The following DLG2 variants were observed in gnomAD, a reference collection of about 807,000 sequenced individuals.
DLG2 encodes the protein disks large homolog 2.
A neutral mutation model predicts 132.5 loss-of-function variants in DLG2; 45 were observed. The ratio of observed to expected loss-of-function variants is 0.34; its 90% CI spans 0.27 to 0.44. The LOEUF is 0.44. DLG2 is among the 20% of genes least tolerant of loss of function. The probability of loss-of-function intolerance (pLI) is 1.00; values close to 1 mark genes in which losing one functional copy is unlikely to be tolerated. For synonymous variants in DLG2, 424 were observed against 419.6 expected, an observed-to-expected ratio of 1.01 and a Z score of -0.13; for missense variants, 1,045 against 1,196.9, an observed-to-expected ratio of 0.87 and a Z score of 1.87.
intron 24 of DLG2, among the ~76,000 whole-genome samples, chr11:83,469,786 C>A (rs2091771571): frequency 6.6e-6 from 1 of 152,174 alleles, no homozygotes; most frequent in South Asian, 2.1e-4. Flanking sequence ...TTACTCTACA[C>A]CCATCTTCAC....
At chr11:85,390,901 CA>C (rs1305818025) in intron 3 of DLG2, among the ~76,000 whole-genome samples, 1 of 151,912 alleles carries the variant, frequency 6.6e-6, no homozygotes, top group Non-Finnish European at 1.5e-5. Context: ...AAGAACAAAT[CA>C]AACCCACACA....
chr11:84,706,970 C>T (rs755690744), intron 6 of DLG2, among the ~76,000 whole-genome samples: 2 of 151,776 alleles, frequency 1.3e-5, no homozygotes, highest in African/African-American at 2.4e-5. Context: ...GAGACTTGTA[C>T]ACCAATGCCA....
intron 3 of DLG2, among the ~76,000 whole-genome samples, chr11:85,459,834 T>A (rs2092547165): frequency 6.6e-6 from 1 of 152,188 alleles, no homozygotes; most frequent in Non-Finnish European, 1.5e-5. Context: ...AAGTTAGCTG[T>A]GCTGGAATTC....
chr11:85,399,781 C>G (rs999363837), intron 3 of DLG2, among the ~76,000 whole-genome samples: 1 of 152,208 alleles, frequency 6.6e-6, no homozygotes, highest in East Asian at 1.9e-4. Flanking sequence ...AAAATTAATT[C>G]AAGATGGATT....
intron 6 of DLG2, among the ~76,000 whole-genome samples, chr11:84,745,221 T>G (rs1018850155): frequency 1.3e-5 from 2 of 152,194 alleles, no homozygotes; most frequent in African/African-American, 4.8e-5. Flanking sequence ...TAATGTCAAA[T>G]TGTAATCCCA....
chr11:83,850,246 C>T (rs71465562), intron 16 of DLG2, among the ~76,000 whole-genome samples: 4,290 of 151,770 alleles, frequency 0.028, 65 homozygotes, highest in Non-Finnish European at 0.037. Context: ...CTCCGCTTCC[C>T]GGGTTCAAGA....
At chr11:85,095,590 G>A (rs1212459262) in intron 6 of DLG2, among the ~76,000 whole-genome samples, 5 of 151,900 alleles carry the variant, frequency 3.3e-5, no homozygotes, top group African/African-American at 4.8e-5. Flanking sequence ...TTATTAGCTG[G>A]TACCAGCTCC....
chr11:84,815,372 C>G (rs1015485529), intron 6 of DLG2, among the ~76,000 whole-genome samples: 2 of 152,012 alleles, frequency 1.3e-5, no homozygotes, highest in Non-Finnish European at 2.9e-5. Flanking sequence ...GATGACATCT[C>G]CAAGGGGCAG....
chr11:84,983,952 A>G (rs1020483165), intron 6 of DLG2, among the ~76,000 whole-genome samples: 3 of 152,168 alleles, frequency 2.0e-5, no homozygotes, highest in East Asian at 1.9e-4. Flanking sequence ...AAGACAAAGA[A>G]AAAAGAAAAT....
chr11:84,224,719 T>C (rs2096965147), intron 8 of DLG2, among the ~76,000 whole-genome samples: 1 of 152,182 alleles, frequency 6.6e-6, no homozygotes, highest in African/African-American at 2.4e-5. Flanking sequence ...TCAATGCTCT[T>C]AACTATTATA....
At chr11:85,137,296 TTG>T (rs1257335759) in intron 5 of DLG2, among the ~76,000 whole-genome samples, 1 of 152,146 alleles carries the variant, frequency 6.6e-6, no homozygotes, top group Non-Finnish European at 1.5e-5. Context: ...GGTAAATACT[TTG>T]TAACTATTAT....
chr11:84,166,516 A>AAAAAAG (rs1555391545), intron 8 of DLG2, among the ~76,000 whole-genome samples: 17 of 138,182 alleles, frequency 1.2e-4, no homozygotes, highest in African/African-American at 4.6e-4. Context: ...AAAAAAAAAA[A>AAAAAAG]AAAAGAAAAG....
rs772295340 is a variant in DLG2, at chr11:84,493,634, C to T, written c.519+40936G>A. Among the ~76,000 whole-genome samples, 136 of 152,112 alleles carry T rather than the reference C, an allele frequency of 8.9e-4. 1 individual carries two copies. The Middle Eastern group carries it at 0.01, about 11-fold the overall frequency. On this transcript the variant is annotated intron_variant, in intron 7 of 27. Coordinates refer to ENST00000376104, the MANE Select transcript of DLG2 (RefSeq NM_001142699.3). ...GAGTCACTCAAACTTGATTCAAATC[C>T]CAACTCCACCACTCACATAGCTCTG...
chr11:84,242,584 T>C (rs879909406), intron 8 of DLG2, among the ~76,000 whole-genome samples: 2 of 152,064 alleles, frequency 1.3e-5, no homozygotes, highest in African/African-American at 2.4e-5. Flanking sequence ...TTTTGTATTT[T>C]TATTAGAGAC....
At chr11:83,540,575 C>T (rs2096035568) in intron 20 of DLG2, among the ~76,000 whole-genome samples, 1 of 152,146 alleles carries the variant, frequency 6.6e-6, no homozygotes, top group Admixed American at 6.5e-5. Flanking sequence ...GGCTGTGCGA[C>T]CACAGGCAGA....
chr11:84,866,987 A>G (rs931088912), intron 6 of DLG2, among the ~76,000 whole-genome samples: 1 of 152,228 alleles, frequency 6.6e-6, no homozygotes, highest in African/African-American at 2.4e-5. Context: ...CACATTCATT[A>G]CATAGTAGGT....
At chr11:85,034,165 C>G (rs1380867720) in intron 6 of DLG2, among the ~76,000 whole-genome samples, 1 of 151,790 alleles carries the variant, frequency 6.6e-6, no homozygotes, top group Non-Finnish European at 1.5e-5. Flanking sequence ...GCAAGCTCCA[C>G]CTCCCAGGTT....
In DLG2 at chr11:83,639,970, T is replaced by C. The variant is rs112338648; in HGVS notation, c.1826-6645A>G. 6.8e-3 allele frequency among the ~76,000 whole-genome samples: 1,029 copies of C among 152,260 alleles called. 14 individuals are homozygous for C. Among genetic ancestry groups the C allele is most frequent in the African/African-American group, 0.023 (958 of 41,548 alleles). On this transcript the variant is annotated intron_variant, in intron 18 of 27. Coordinates refer to ENST00000376104, the MANE Select transcript of DLG2 (RefSeq NM_001142699.3). ...ATTTGACTGAAGTGTTCTGAAAATATAAGATAGGTGTTGCTGTTATTACTT... is the reference window on the plus strand; with the variant it reads ...ATTTGACTGAAGTGTTCTGAAAATACAAGATAGGTGTTGCTGTTATTACTT...
intron 17 of DLG2, among the ~76,000 whole-genome samples, chr11:83,822,708 T>C (rs752315364): frequency 6.6e-6 from 1 of 152,234 alleles, no homozygotes; most frequent in Non-Finnish European, 1.5e-5. Flanking sequence ...CTCCTTGGCC[T>C]CTGAGCCTGG....
Sources: gnomAD v4.1 joint callset for allele counts (sites outside exome capture counted in the v4.1 genomes callset) on GRCh38, gnomAD v4.1.1 for gene constraint, MANE v1.5 for transcripts, NCBI Gene and HGNC (gene_info 2026-07-23, HGNC 2026-07-21) for gene names.